Variants in SLC22A13 observed in about 807,000 individuals in gnomAD.
SLC22A13 encodes the protein organic anion transporter 10.
In SLC22A13, 42 loss-of-function variants were observed where a neutral mutation model predicts 49.1. That is an observed-to-expected ratio of 0.85 (90% CI 0.67 to 1.11). The LOEUF (loss-of-function observed/expected upper bound fraction) is 1.11. Ranked by LOEUF, SLC22A13 falls within the 50% of genes least tolerant of loss-of-function variation. The probability of loss-of-function intolerance (pLI) is 0.00; values close to 1 mark genes in which losing one functional copy is unlikely to be tolerated. For missense variants in SLC22A13, 694 were observed against 712.8 expected, an observed-to-expected ratio of 0.97 and a Z score of 0.30; for synonymous variants, 282 against 293.1, an observed-to-expected ratio of 0.96 and a Z score of 0.39.
chr3:38,266,338 GC>G, intron 1 of SLC22A13, 100 bp downstream of exon 1: 1 of 1,365,530 alleles, frequency 7.3e-7, no homozygotes, highest in South Asian at 1.3e-5. Flanking sequence ...TCTGCCCCAT[GC>G]CCATATGGTC....
chr3:38,266,780 G>A (rs1325299681), intron 1 of SLC22A13, among the ~76,000 whole-genome samples: 1 of 152,144 alleles, frequency 6.6e-6, no homozygotes, highest in African/African-American at 2.4e-5. Context: ...AGGACTCTAG[G>A]ACTTGTCCTG....
chr3:38,275,483 T>C lies in SLC22A13; in HGVS notation c.920T>C (p.Met307Thr). The change falls in exon 5 of 10, where the codon ATG becomes ACG. Residue 307 changes from methionine to threonine, a missense_variant. Met to Thr is a moderately conservative substitution (Grantham distance 81). Transcript: ENST00000311856. ...AGGCGGAAACTCTCCCCGGAGCTCA[T>C]GAACCAGGTACTTCCAGCAGGCCCA... ...VNRRKLSPELMNQLVPEKTGP... is the reference protein window; with the variant it reads ...VNRRKLSPELTNQLVPEKTGP... 4 of 1,614,210 alleles carry C rather than the reference T, an allele frequency of 2.5e-6. No homozygotes were observed. Among genetic ancestry groups the C allele is most frequent in the Non-Finnish European group, 3.4e-6 (4 of 1,180,026 alleles).
chr3:38,274,819 C>T (rs992005799), intron 3 of SLC22A13, 61 bp downstream of exon 3: 2 of 1,567,354 alleles, frequency 1.3e-6, no homozygotes, highest in African/African-American at 2.7e-5. Flanking sequence ...CTGGGAGGGC[C>T]ACAGCCCCAA....
chr3:38,266,238 G>A lies in SLC22A13; in HGVS notation c.378G>A (p.Glu126=). 1 of 1,612,468 alleles carries A rather than the reference G, an allele frequency of 6.2e-7. No homozygotes were observed. Among genetic ancestry groups the A allele is most frequent in the Non-Finnish European group, 8.5e-7 (1 of 1,178,696 alleles). The change falls in exon 1 of 10, where the codon GAG becomes GAA. Residue 126 remains glutamate (E), a splice_region_variant and synonymous_variant. Coordinates refer to ENST00000311856, the MANE Select transcript of SLC22A13 (RefSeq NM_004256.4). The part of the protein sequence containing the change: ...PENRLPSLKN[E]FNLVCDRKHL... ...ACAGGCTCCCATCCCTGAAGAATGA[G>A]GTAGGCTTGTCCTTTTGCTGGTCTC... is the stretch of plus-strand genomic sequence containing the variant.
intron 1 of SLC22A13, among the ~76,000 whole-genome samples, chr3:38,266,801 A>C (rs1157162010): frequency 1.3e-5 from 2 of 152,206 alleles, no homozygotes; most frequent in Non-Finnish European, 2.9e-5. Context: ...TGGATAACTA[A>C]GCGTTCATTC....
intron 1 of SLC22A13, among the ~76,000 whole-genome samples, chr3:38,269,822 C>T (rs1200221649): frequency 6.6e-6 from 1 of 151,366 alleles, no homozygotes; most frequent in Admixed American, 6.6e-5. Context: ...CCCATTAACT[C>T]GTCATTTAGC....
rs1437862198 is a variant in SLC22A13 at position 38,275,066 on chromosome 3, G to T, written c.715G>T (p.Val239Leu). ...GTGCAACTTCTCCCTCGGGCAGATGGTGCTTGCGGGACTCGCCTACGGTTT... is the reference window on the plus strand; with the variant it reads ...GTGCAACTTCTCCCTCGGGCAGATGTTGCTTGCGGGACTCGCCTACGGTTT... ...AQCNFSLGQM[V>L]LAGLAYGFRN... Residue 239 changes from valine (V) to leucine (L), a missense_variant, in exon 4 of 10, where the codon GTG (valine) becomes TTG (leucine). Physicochemically the swap from Val to Leu is conservative, Grantham distance 32. Transcript: ENST00000311856. 1.2e-5 allele frequency: 20 copies of T among 1,614,136 alleles called. No individual in the cohort carries two copies. The highest frequency in any genetic ancestry group is 1.5e-5 in the Non-Finnish European group (18 of 1,180,040).
Position 38,278,754 on chromosome 3 carries a change from A to T in SLC22A13, c.*1289A>T, listed in dbSNP as rs1703614603. Among the ~76,000 whole-genome samples, 1 of 144,248 alleles carries T rather than the reference A, an allele frequency of 6.9e-6. No individual in the cohort carries two copies. The highest frequency in any genetic ancestry group is 1.5e-5 in the Non-Finnish European group (1 of 66,366). The allele number at this position is 144,248 out of a possible 152,430, so 94.6% of individuals were successfully genotyped here. On this transcript the variant is annotated 3_prime_UTR_variant, in exon 10 of 10. Transcript: ENST00000311856. The stretch of plus-strand genomic sequence containing the variant: ...AGAATCGCTTGAACCTGGGAGGCGG[A>T]GTTTGCAGTGAGCCAAGATCGCACC...
intron 9 of SLC22A13, 70 bp from the exon 10 acceptor site, chr3:38,277,302 G>A: frequency 4.8e-6 from 6 of 1,260,134 alleles, no homozygotes; most frequent in Non-Finnish European, 6.8e-6. Flanking sequence ...ACTTTGAGGA[G>A]GGAGGTGGTG....
In SLC22A13 at chr3:38,277,622, C is replaced by A. The variant is rs185595517; in HGVS notation, c.*157C>A. The A allele has an allele frequency of 1.8e-6, 1 of 559,212 alleles. No individual in the cohort carries two copies. The highest frequency in any genetic ancestry group is 3.0e-5 in the East Asian group (1 of 33,194). The allele number at this position is 559,212 out of a possible 1,614,324, so 34.6% of individuals were successfully genotyped here. A position where few individuals can be genotyped will look rare whatever the true frequency, so the allele number is the denominator to read the frequency against. ...CATGGCTGTCACCTCCTGCCGAGTCCAATCCCAGACTGGGAACCACCATCT... is the reference window on the plus strand; with the variant it reads ...CATGGCTGTCACCTCCTGCCGAGTCAAATCCCAGACTGGGAACCACCATCT... On this transcript the variant is annotated 3_prime_UTR_variant, in exon 10 of 10. Transcript: ENST00000311856.
At chr3:38,271,367 C>T (rs974307754) in intron 1 of SLC22A13, among the ~76,000 whole-genome samples, 2 of 151,772 alleles carry the variant, frequency 1.3e-5, no homozygotes, top group South Asian at 4.2e-4. Context: ...GAGTTCAAGA[C>T]CAGCCTGGGC....
intron 1 of SLC22A13, among the ~76,000 whole-genome samples, chr3:38,267,557 G>A (rs377447014): frequency 1.0e-3 from 152 of 152,262 alleles, no homozygotes; most frequent in African/African-American, 3.6e-3. Context: ...CTTCCAGATT[G>A]CTCACAGACT....
chr3:38,277,155 C>T (rs373482264), intron 9 of SLC22A13, 28 bp downstream of exon 9: 61 of 1,513,932 alleles, frequency 4.0e-5, no homozygotes, highest in African/African-American at 3.3e-4. Flanking sequence ...ACTGAAACCA[C>T]GACTTGGGTC....
chr3:38,274,276 A>T lies in SLC22A13; in HGVS notation c.383A>T (p.Asn128Ile). 1.9e-6 allele frequency: 3 copies of T among 1,613,438 alleles called. No individual in the cohort carries two copies. Among genetic ancestry groups the T allele is most frequent in the Non-Finnish European group, 1.7e-6 (2 of 1,179,444 alleles). ...ATCTGCCTGTGTCTCCCTCAGTTCA[A>T]CCTGGTTTGTGATCGGAAGCACCTG... ...NRLPSLKNEF[N>I]LVCDRKHLKD... Residue 128 changes from asparagine (N) to isoleucine (I), a missense_variant, in exon 2 of 10, where the codon AAC becomes ATC. Asn to Ile is a moderately radical substitution (Grantham distance 149). Transcript: ENST00000311856.
intron 1 of SLC22A13, among the ~76,000 whole-genome samples, chr3:38,271,561 A>G (rs1303770694): frequency 6.6e-6 from 1 of 151,420 alleles, no homozygotes; most frequent in African/African-American, 2.4e-5. Flanking sequence ...AAAAAAAAAA[A>G]AAAAAAAATG....
rs186314896 is a variant in SLC22A13 at position 38,266,369 on chromosome 3, T to G, written c.378+131T>G. 3,149 of 1,070,810 alleles carry G rather than the reference T, an allele frequency of 2.9e-3. 9 individuals carry two copies. Among genetic ancestry groups the G allele is most frequent in the Middle Eastern group, 8.1e-3 (26 of 3,210 alleles). The allele number at this position is 1,070,810 out of a possible 1,614,324, so 66.3% of individuals were successfully genotyped here. On this transcript the variant is annotated intron_variant, in intron 1 of 9. Transcript: ENST00000311856. Reference sequence around the variant, plus strand: ...ATGGTCAACCATGGGCACATATGTTTTTCATTTTGTCAATCTCATTTTCCT... The same window carrying G: ...ATGGTCAACCATGGGCACATATGTTGTTCATTTTGTCAATCTCATTTTCCT...
chr3:38,276,664 C>T (rs1703587948), intron 8 of SLC22A13, among the ~76,000 whole-genome samples: 1 of 152,136 alleles, frequency 6.6e-6, no homozygotes, highest in African/African-American at 2.4e-5. Flanking sequence ...AGAGAAGGAG[C>T]ACTTGGGGTG....
rs1320417285 is a variant in SLC22A13 at position 38,277,853 on chromosome 3, C to G, written c.*388C>G. 1 of 157,156 alleles carries G rather than the reference C, an allele frequency of 6.4e-6. No individual in the cohort carries two copies. Among genetic ancestry groups the G allele is most frequent in the East Asian group, 1.9e-4 (1 of 5,392 alleles). The allele number at this position is 157,156 out of a possible 1,614,324, so 9.7% of individuals were successfully genotyped here. A position where few individuals can be genotyped will look rare whatever the true frequency, so the allele number is the denominator to read the frequency against. ...TTCAGAACAGAACACAAGGTAAGCC[C>G]TTTCCAATTTGTGGGAACAGGAGGG... is the stretch of plus-strand genomic sequence containing the variant. On this transcript the variant is annotated 3_prime_UTR_variant, in exon 10 of 10. Coordinates refer to ENST00000311856, the MANE Select transcript of SLC22A13 (RefSeq NM_004256.4).
In SLC22A13 at chr3:38,274,676, GC is replaced by G; in HGVS notation, c.558del (p.Ser187AlafsTer27). ...TLIGLATAFVPSFELYMALRF... is the reference protein window; with the variant it reads ...TLIGLATAFVXSFELYMALRF... ...TCATCGGCCTGGCCACAGCTTTTGTGCCCAGCTTTGAGCTCTACATGGCCCT... is the reference window on the plus strand; with the variant it reads ...TCATCGGCCTGGCCACAGCTTTTGTGCCAGCTTTGAGCTCTACATGGCCCT... On this transcript the variant is annotated frameshift_variant, in exon 3 of 10. Coordinates refer to ENST00000311856, the MANE Select transcript of SLC22A13 (RefSeq NM_004256.4). LOFTEE classifies it high-confidence loss of function. 2 of 1,614,190 alleles carry G rather than the reference GC, an allele frequency of 1.2e-6. No individual in the cohort carries two copies. Among genetic ancestry groups the G allele is most frequent in the Non-Finnish European group, 1.7e-6 (2 of 1,180,030 alleles).
Sources: gnomAD v4.1 joint callset for allele counts (sites outside exome capture counted in the v4.1 genomes callset) on GRCh38, gnomAD v4.1.1 for gene constraint, MANE v1.5 for transcripts, NCBI Gene and HGNC (gene_info 2026-07-23, HGNC 2026-07-21) for gene names.